PPP1R3F: variants seen among roughly 807,000 people sequenced by gnomAD.
PPP1R3F encodes protein phosphatase 1, regulatory (inhibitor) subunit 3F.
In PPP1R3F, 29 loss-of-function variants were observed where a neutral mutation model predicts 24.2. That is an observed-to-expected ratio of 1.20 (90% CI 0.89 to 1.63). PPP1R3F has a LOEUF of 1.63. Ranked by LOEUF, PPP1R3F falls within the 40% of genes most tolerant of loss-of-function variation. The pLI, the probability that PPP1R3F is intolerant of heterozygous loss-of-function variation, is 0.00. For synonymous variants in PPP1R3F, 363 were observed against 340.1 expected (o/e 1.07, Z -0.74); for missense variants, 823 against 729.3 (o/e 1.13, Z -1.48).
chrX:49,297,946 C>T (rs936085388), intron 3 of PPP1R3F, among the ~76,000 whole-genome samples: 11 of 106,465 alleles, frequency 1.0e-4, no homozygotes, highest in African/African-American at 3.8e-4. Context: ...GAATATAGCC[C>T]ACCGATGGGT....
chrX:49,291,493 A>G (rs2066309044), downstream of PPP1R3F, among the ~76,000 whole-genome samples: 1 of 106,212 alleles, frequency 9.4e-6, no homozygotes, highest in Non-Finnish European at 1.9e-5. Flanking sequence ...ATGCCCGACT[A>G]GTTTTTGTGT....
chrX:49,279,632 C>T (rs1348557170), intron 1 of PPP1R3F, among the ~76,000 whole-genome samples: 1 of 111,631 alleles, frequency 9.0e-6, no homozygotes. Flanking sequence ...TGCAGTGAGC[C>T]GAGATCATGC....
downstream of PPP1R3F, among the ~76,000 whole-genome samples, chrX:49,289,627 G>C (rs996725211): frequency 1.8e-4 from 20 of 111,527 alleles, no homozygotes; most frequent in Non-Finnish European, 3.4e-4. Context: ...GCGAGGGGCT[G>C]ATTACCAGAG....
chrX:49,270,480 C>G lies in PPP1R3F; in HGVS notation c.611C>G (p.Pro204Arg). The G allele has an allele frequency of 1.7e-6, 2 of 1,204,583 alleles. No individual in the cohort carries two copies. The highest frequency in any genetic ancestry group is 1.7e-5 in the African/African-American group (1 of 57,999). Residue 204 changes from proline to arginine, a missense_variant, in exon 1 of 4, where the codon CCG becomes CGG. Pro to Arg is a moderately radical substitution (Grantham distance 103). Transcript: ENST00000055335. ...HPARYVPRSP[P>R]WAGAGGTGAG... is the part of the protein sequence containing the mutation. ...GCGCGCTACGTCCCGCGCAGCCCGCCGTGGGCAGGAGCGGGAGGAACAGGA... is the reference window on the plus strand; with the variant it reads ...GCGCGCTACGTCCCGCGCAGCCCGCGGTGGGCAGGAGCGGGAGGAACAGGA...
At chrX:49,285,081 G>A (rs1056415713) in intron 3 of PPP1R3F, among the ~76,000 whole-genome samples, 2 of 111,023 alleles carry the variant, frequency 1.8e-5, no homozygotes, top group Non-Finnish European at 3.8e-5. Flanking sequence ...AGGGGACATA[G>A]TAAGTGTATA....
At chrX:49,275,174 C>T (rs2066205135) in intron 1 of PPP1R3F, 1 of 111,408 alleles carries the variant, frequency 9.0e-6, no homozygotes, top group African/African-American at 3.3e-5. Context: ...CTTGCTCACC[C>T]CCGTAAGTGT....
Position 49,270,424 on chromosome X carries a change from C to T in PPP1R3F, c.555C>T (p.His185=), listed in dbSNP as rs2066167410. 2 of 1,187,579 alleles carry T rather than the reference C, an allele frequency of 1.7e-6. No homozygotes were observed. The highest frequency in any genetic ancestry group is 1.7e-5 in the African/African-American group (1 of 57,175). Residue 185 remains histidine (H), a synonymous_variant, in exon 1 of 4, where the codon CAC becomes CAT. Transcript: ENST00000055335. ...AGGCGGTGCACGTGCGGGCCTCACA[C>T]GACGGCTGGGCTTCCTTTTGCGACC... The part of the protein sequence containing the change: ...FEKAVHVRAS[H]DGWASFCDHP...
Position 49,282,061 on chromosome X carries a change from C to T in PPP1R3F, c.1141C>T (p.Gln381Ter). ...PLRPWPQMTL[Q>*]VSDVPMTGNP... is the part of the protein sequence containing the mutation. ...CCGTCCATGGCCCCAGATGACACTT[C>T]AGGTAAGTGGGTCCTTGCAGCCTTG... The change falls in exon 3 of 4, where the codon CAG becomes TAG. Residue 381 changes from glutamine to a stop codon, truncating the protein, a stop_gained and splice_region_variant. Transcript: ENST00000055335. LOFTEE classifies it high-confidence loss of function. The T allele has an allele frequency of 3.3e-6, 4 of 1,197,401 alleles. No homozygotes were observed. Among genetic ancestry groups the T allele is most frequent in the Non-Finnish European group, 4.5e-6 (4 of 882,747 alleles).
downstream of PPP1R3F, among the ~76,000 whole-genome samples, chrX:49,290,673 A>G (rs1223218145): frequency 8.9e-6 from 1 of 111,915 alleles, no homozygotes; most frequent in Non-Finnish European, 1.9e-5. Flanking sequence ...AGGAGGGTGG[A>G]CAGGAACAGG....
At chrX:49,297,349 G>T (rs1426260533) in intron 3 of PPP1R3F, among the ~76,000 whole-genome samples, 1 of 109,506 alleles carries the variant, frequency 9.1e-6, no homozygotes, top group Non-Finnish European at 1.9e-5. Flanking sequence ...GAGTAGCTGG[G>T]ACTACAGGTG....
intron 1 of PPP1R3F, among the ~76,000 whole-genome samples, chrX:49,278,047 C>T (rs1330065530): frequency 8.9e-6 from 1 of 111,976 alleles, no homozygotes; most frequent in Non-Finnish European, 1.9e-5. Flanking sequence ...ATGTTCTCGC[C>T]CTCCTCAGCC....
intron 3 of PPP1R3F, among the ~76,000 whole-genome samples, chrX:49,284,509 C>CTTTTTTTTTTTTTTTTTTTTTTTTTTTTT (rs145170789): frequency 3.9e-5 from 2 of 50,856 alleles, no homozygotes; most frequent in African/African-American, 7.3e-5. Context: ...CTTTTTCTTT[C>CTTTTTTTTTTTTTTTTTTTTTTTTTTTTT]TTTTTTTTTT....
chrX:49,297,658 C>T (rs2066326968), intron 3 of PPP1R3F, among the ~76,000 whole-genome samples: 1 of 110,875 alleles, frequency 9.0e-6, no homozygotes, highest in Non-Finnish European at 1.9e-5. Context: ...CAAGAACTTG[C>T]TTTATAAATC....
chrX:49,270,134 G>A lies in PPP1R3F; in HGVS notation c.265G>A (p.Asp89Asn). The A allele has an allele frequency of 2.8e-6, 3 of 1,069,674 alleles. No homozygotes were observed. The highest frequency in any genetic ancestry group is 3.6e-6 in the Non-Finnish European group (3 of 831,667). 88.2% of individuals were successfully genotyped at this position (1,069,674 alleles called of 1,213,427 possible). A position where few individuals can be genotyped will look rare whatever the true frequency, so the allele number is the denominator to read the frequency against. The change falls in exon 1 of 4, where the codon GAT (aspartate) becomes AAT (asparagine). Residue 89 changes from aspartate to asparagine, a missense_variant. Coordinates refer to ENST00000055335, the MANE Select transcript of PPP1R3F (RefSeq NM_033215.5). ...ADEDDDGEDG[D>N]EGEEEEEACP... is the part of the protein sequence containing the mutation. ...CGAGGACGACGATGGCGAGGATGGGGATGAAGGGGAGGAGGAAGAGGAGGC... is the reference window on the plus strand; with the variant it reads ...CGAGGACGACGATGGCGAGGATGGGAATGAAGGGGAGGAGGAAGAGGAGGC...
intron 1 of PPP1R3F, chrX:49,275,649 T>C (rs2066207885): frequency 8.9e-6 from 1 of 112,335 alleles, no homozygotes; most frequent in Admixed American, 9.4e-5. Context: ...TCTGCCCCGC[T>C]AGACTGTAAG....
rs782335133 is a variant in PPP1R3F at position 49,286,128 on chromosome X, G to A, written c.1438G>A (p.Gly480Ser). 6.8e-6 allele frequency: 8 copies of A among 1,175,778 alleles called. No individual in the cohort carries two copies. Among genetic ancestry groups the A allele is most frequent in the African/African-American group, 3.5e-5 (2 of 57,454 alleles). ...TGTGAGTGGGTCAGAGGAGCTGCTC[G>A]GTGAGGACACCATCGACCAGGAGCT... ...EAVSGSEELL[G>S]EDTIDQELEQ... Residue 480 changes from glycine to serine, a missense_variant, in exon 4 of 4, where the codon GGT becomes AGT. By Grantham distance (56) the Gly-to-Ser change is moderately conservative (BLOSUM62 0). Transcript: ENST00000055335.
Position 49,270,205 on chromosome X carries a change from G to A in PPP1R3F, c.336G>A (p.Gly112=). The change falls in exon 1 of 4, where the codon GGG becomes GGA. Residue 112 remains glycine (G), a synonymous_variant. Coordinates refer to ENST00000055335, the MANE Select transcript of PPP1R3F (RefSeq NM_033215.5). ...SPLCPVPAGG[G]FYLVPTFSLP... ...TGTGCCCCGTCCCCGCTGGCGGGGG[G>A]TTTTACCTGGTCCCCACATTTTCGC... The A allele has an allele frequency of 3.7e-6, 4 of 1,095,373 alleles. No individual in the cohort carries two copies. The highest frequency in any genetic ancestry group is 2.3e-5 in the South Asian group (1 of 42,708). The allele number at this position is 1,095,373 out of a possible 1,213,427, so 90.3% of individuals were successfully genotyped here.
Position 49,287,150 on chromosome X carries a change from G to A in PPP1R3F, c.*60G>A. 1 of 1,116,792 alleles carries A rather than the reference G, an allele frequency of 9.0e-7. No homozygotes were observed. Among genetic ancestry groups the A allele is most frequent in the Non-Finnish European group, 1.2e-6 (1 of 827,579 alleles). 92.0% of individuals were successfully genotyped at this position (1,116,792 alleles called of 1,213,427 possible). The stretch of plus-strand genomic sequence containing the variant: ...GGATACATGGCCTGTGCAGTGAGGG[G>A]ACCTGGGTCCTTTGCTTCTGAGAAT... On this transcript the variant is annotated 3_prime_UTR_variant, in exon 4 of 4. Transcript: ENST00000055335.
In PPP1R3F at chrX:49,269,831, CCCGCCGCCGGTGCCGTCGGTGCCG is replaced by C. The variant is rs1357843077; in HGVS notation, c.-29_-6del. On this transcript the variant is annotated 5_prime_UTR_variant, in exon 1 of 4. Coordinates refer to ENST00000055335, the MANE Select transcript of PPP1R3F (RefSeq NM_033215.5). ...CCCTTCAGGCCCTGCCCCCGCCGGT[CCCGCCGCCGGTGCCGTCGGTGCCG>C]CCGCCGCCGCCGATATGGCGCGTAC... 13 of 856,328 alleles carry C rather than the reference CCCGCCGCCGGTGCCGTCGGTGCCG, an allele frequency of 1.5e-5. No individual in the cohort carries two copies. Among genetic ancestry groups the C allele is most frequent in the Non-Finnish European group, 7.2e-6 (5 of 698,064 alleles). The allele number at this position is 856,328 out of a possible 1,213,427, so 70.6% of individuals were successfully genotyped here. A position where few individuals can be genotyped will look rare whatever the true frequency, so the allele number is the denominator to read the frequency against.
Sources: gnomAD v4.1 joint callset for allele counts (sites outside exome capture counted in the v4.1 genomes callset) on GRCh38, gnomAD v4.1.1 for gene constraint, MANE v1.5 for transcripts, NCBI Gene and HGNC (gene_info 2026-07-23, HGNC 2026-07-21) for gene names.